MGAT4C: variants seen among roughly 807,000 people sequenced by gnomAD.
The protein encoded by MGAT4C is MGAT4 family member C.
In MGAT4C, 19 loss-of-function variants were observed where a neutral mutation model predicts 40.1. The observed-to-expected ratio is 0.47, with a 90% CI of 0.33 to 0.70. MGAT4C has a LOEUF of 0.70. MGAT4C is among the 30% of genes least tolerant of loss of function. The pLI is 0.02. For missense variants in MGAT4C, 491 were observed against 563.2 expected, an observed-to-expected ratio of 0.87 and a Z score of 1.30; for synonymous variants, 181 against 187.1, an observed-to-expected ratio of 0.97 and a Z score of 0.27.
rs1202157674 is a variant in MGAT4C at position 85,977,163 on chromosome 12, T to C, written c.*2126A>G. ...TGTTTCTTGAAACATTTTTAAGACA[T>C]TGATAGACACCAATAGCTGATCTTT... On this transcript the variant is annotated 3_prime_UTR_variant, in exon 5 of 5. Coordinates refer to ENST00000611864, the MANE Select transcript of MGAT4C (RefSeq NM_001351288.2). 2 of 151,322 alleles carry C rather than the reference T, an allele frequency of 1.3e-5. No individual in the cohort carries two copies. Among genetic ancestry groups the C allele is most frequent in the African/African-American group, 2.4e-5 (1 of 41,366 alleles). 9.4% of individuals were successfully genotyped at this position (151,322 alleles called of 1,614,324 possible).
At chr12:86,759,423 C>T (rs947186174) in intron 1 of MGAT4C, among the ~76,000 whole-genome samples, 1 of 152,088 alleles carries the variant, frequency 6.6e-6, no homozygotes, top group Non-Finnish European at 1.5e-5. Flanking sequence ...TGCTGGATCA[C>T]ACTGTAGTTC....
At chr12:86,090,795 T>G (rs1041632834) in intron 1 of MGAT4C, among the ~76,000 whole-genome samples, 1 of 151,920 alleles carries the variant, frequency 6.6e-6, no homozygotes, top group African/African-American at 2.4e-5. Context: ...TAATACTTTT[T>G]TTTGTTTGTT....
chr12:86,518,805 A>G (rs1958742433), intron 2 of MGAT4C, among the ~76,000 whole-genome samples: 1 of 152,190 alleles, frequency 6.6e-6, no homozygotes, highest in Non-Finnish European at 1.5e-5. Flanking sequence ...TGTCAGGAGG[A>G]AAATTCCCAA....
chr12:86,185,038 A>T (rs1463398069), intron 1 of MGAT4C, among the ~76,000 whole-genome samples: 2 of 152,182 alleles, frequency 1.3e-5, no homozygotes, highest in Non-Finnish European at 2.9e-5. Context: ...TTCTGCCCAT[A>T]AAGCCAGCTT....
At chr12:86,059,395 T>G (rs1893719745) in intron 1 of MGAT4C, among the ~76,000 whole-genome samples, 1 of 152,178 alleles carries the variant, frequency 6.6e-6, no homozygotes, top group African/African-American at 2.4e-5. Flanking sequence ...TTTATTCATC[T>G]CTTTGTTTTA....
chr12:86,120,984 C>T (rs1879288520), intron 1 of MGAT4C, among the ~76,000 whole-genome samples: 1 of 152,108 alleles, frequency 6.6e-6, no homozygotes, highest in African/African-American at 2.4e-5. Context: ...TGCAAAGAAG[C>T]TAAAAACCTT....
intron 4 of MGAT4C, among the ~76,000 whole-genome samples, chr12:86,284,122 A>C (rs2136121107): frequency 6.6e-6 from 1 of 152,180 alleles, no homozygotes; most frequent in Admixed American, 6.6e-5. Context: ...AATAAAGCAT[A>C]ACATGCAAAT....
chr12:86,508,023 A>C (rs1371329368), intron 2 of MGAT4C, among the ~76,000 whole-genome samples: 1 of 151,770 alleles, frequency 6.6e-6, no homozygotes, highest in Non-Finnish European at 1.5e-5. Flanking sequence ...AAAATATTAA[A>C]ATGTCTTTCC....
At chr12:86,834,217 G>GATATA (rs1566022718) in intron 1 of MGAT4C, among the ~76,000 whole-genome samples, 12 of 104,430 alleles carry the variant, frequency 1.1e-4, no homozygotes, top group Non-Finnish European at 2.3e-4. Flanking sequence ...TATAGATATA[G>GATATA]GTCCATCTAT....
intron 2 of MGAT4C, among the ~76,000 whole-genome samples, chr12:86,566,124 T>C (rs1960087767): frequency 6.6e-6 from 1 of 152,044 alleles, no homozygotes. Flanking sequence ...TTACTTCGGA[T>C]TTGGGTTTGT....
At chr12:86,038,096 C>T (rs1373901637) in intron 2 of MGAT4C, among the ~76,000 whole-genome samples, 1 of 149,578 alleles carries the variant, frequency 6.7e-6, no homozygotes, top group African/African-American at 2.4e-5. Flanking sequence ...TATTGGTGAT[C>T]AAACAAAGAA....
chr12:86,467,338 A>C (rs1161201040), intron 2 of MGAT4C, among the ~76,000 whole-genome samples: 2 of 152,156 alleles, frequency 1.3e-5, no homozygotes, highest in Non-Finnish European at 2.9e-5. Flanking sequence ...AACAAATTAA[A>C]CAAAAAATAA....
intron 2 of MGAT4C, among the ~76,000 whole-genome samples, chr12:86,455,447 T>C (rs1168643992): frequency 6.6e-6 from 1 of 152,130 alleles, no homozygotes; most frequent in East Asian, 1.9e-4. Context: ...TTTCATTTTA[T>C]GTTATAGAAA....
chr12:86,235,581 T>C (rs1411287449), intron 1 of MGAT4C, among the ~76,000 whole-genome samples: 1 of 151,492 alleles, frequency 6.6e-6, no homozygotes, highest in East Asian at 2.1e-4. Flanking sequence ...ATATGGAATA[T>C]AAATTGTTCT....
At chr12:86,538,483 G>A (rs947764968) in intron 2 of MGAT4C, among the ~76,000 whole-genome samples, 1 of 152,098 alleles carries the variant, frequency 6.6e-6, no homozygotes, top group East Asian at 1.9e-4. Flanking sequence ...TACCTGTTTT[G>A]GAATAGGTAA....
chr12:86,283,381 T>C (rs1953267788), intron 4 of MGAT4C, among the ~76,000 whole-genome samples: 1 of 151,916 alleles, frequency 6.6e-6, no homozygotes, highest in African/African-American at 2.4e-5. Context: ...AATTATATAT[T>C]TATGTTATAT....
chr12:86,390,521 A>G (rs1956144051), intron 3 of MGAT4C, among the ~76,000 whole-genome samples: 1 of 152,200 alleles, frequency 6.6e-6, no homozygotes. Context: ...AGAAAATAAT[A>G]TAATCCTGTG....
At chr12:86,704,697 T>G (rs1307322939) in intron 2 of MGAT4C, among the ~76,000 whole-genome samples, 1 of 152,100 alleles carries the variant, frequency 6.6e-6, no homozygotes, top group South Asian at 2.1e-4. Context: ...ACAGTAAACA[T>G]GATTGGCAAC....
At chr12:86,358,273 A>G (rs911446885) in intron 3 of MGAT4C, among the ~76,000 whole-genome samples, 2 of 152,216 alleles carry the variant, frequency 1.3e-5, no homozygotes, top group Non-Finnish European at 2.9e-5. Flanking sequence ...ACAGACAAGT[A>G]AATATTGAGA....
Sources: gnomAD v4.1 joint callset for allele counts (sites outside exome capture counted in the v4.1 genomes callset) on GRCh38, gnomAD v4.1.1 for gene constraint, MANE v1.5 for transcripts, NCBI Gene and HGNC (gene_info 2026-07-23, HGNC 2026-07-21) for gene names.